Variants in ATP6V0E1 observed in about 807,000 individuals in gnomAD.
ATP6V0E1 encodes V-type proton ATPase subunit e 1.
A neutral mutation model predicts 11.6 loss-of-function variants in ATP6V0E1; 4 were observed. The ratio of observed to expected loss-of-function variants is 0.35; its 90% CI spans 0.17 to 0.79. ATP6V0E1 has a LOEUF of 0.79. ATP6V0E1 is among the 30% of genes least tolerant of loss of function. The pLI, the probability that ATP6V0E1 is intolerant of heterozygous loss-of-function variation, is 0.54. For synonymous variants in ATP6V0E1, 36 were observed against 34.8 expected, an observed-to-expected ratio of 1.04 and a Z score of -0.13; for missense variants, 105 against 100.0, an observed-to-expected ratio of 1.05 and a Z score of -0.21.
intron 1 of ATP6V0E1, among the ~76,000 whole-genome samples, chr5:172,989,063 C>T (rs1755941017): frequency 6.6e-6 from 1 of 152,022 alleles, no homozygotes; most frequent in Non-Finnish European, 1.5e-5. Context: ...TAAAAATGGG[C>T]CTGACATGGT....
intron 3 of ATP6V0E1, among the ~76,000 whole-genome samples, chr5:173,032,249 T>TTTTATTTTTTTTA (rs1206831982): frequency 7.6e-6 from 1 of 132,254 alleles, no homozygotes; most frequent in Non-Finnish European, 1.7e-5. Flanking sequence ...TTTTATTTTA[T>TTTTATTTTTTTTA]TTTATTTATT....
intron 2 of ATP6V0E1, among the ~76,000 whole-genome samples, chr5:173,015,423 G>A (rs1380414387): frequency 6.6e-6 from 1 of 152,186 alleles, no homozygotes; most frequent in Non-Finnish European, 1.5e-5. Flanking sequence ...CCCCTTGGTA[G>A]CTCCAGGATG....
At chr5:173,011,323 A>G (rs1756323079) in intron 2 of ATP6V0E1, among the ~76,000 whole-genome samples, 1 of 151,856 alleles carries the variant, frequency 6.6e-6, no homozygotes, top group South Asian at 2.1e-4. Flanking sequence ...GACTATAGGC[A>G]TGTGCCATCA....
chr5:173,033,949 C>T (rs1434138470), intron 3 of ATP6V0E1, among the ~76,000 whole-genome samples: 1 of 152,176 alleles, frequency 6.6e-6, no homozygotes, highest in Non-Finnish European at 1.5e-5. Context: ...ATAGCCAGAA[C>T]GGGGAGCAAG....
intron 1 of ATP6V0E1, among the ~76,000 whole-genome samples, chr5:172,992,404 A>G (rs1398189947): frequency 1.3e-5 from 2 of 152,128 alleles, no homozygotes; most frequent in Admixed American, 6.6e-5. Context: ...AAGTCCTTTC[A>G]GAGGCCACAT....
At chr5:172,993,688 C>CCG (rs1554118447) in intron 1 of ATP6V0E1, among the ~76,000 whole-genome samples, 2 of 130,700 alleles carry the variant, frequency 1.5e-5, no homozygotes, top group Admixed American at 7.7e-5. Context: ...GACCCCCCCC[C>CCG]CCGACCCCAC....
chr5:172,991,389 G>C (rs1015580412), intron 1 of ATP6V0E1, among the ~76,000 whole-genome samples: 1 of 152,168 alleles, frequency 6.6e-6, no homozygotes, highest in Admixed American at 6.6e-5. Context: ...ATATTAAGCA[G>C]GTAATACAAA....
intron 3 of ATP6V0E1, among the ~76,000 whole-genome samples, chr5:173,022,384 A>C (rs1278994118): frequency 1.3e-5 from 2 of 152,200 alleles, no homozygotes; most frequent in Non-Finnish European, 2.9e-5. Flanking sequence ...AGTCCTTTTT[A>C]TCAAGTGATT....
intron 1 of ATP6V0E1, among the ~76,000 whole-genome samples, chr5:172,985,001 CT>C (rs1435464783): frequency 6.6e-6 from 1 of 152,182 alleles, no homozygotes; most frequent in Non-Finnish European, 1.5e-5. Flanking sequence ...AATCCCAGCA[CT>C]TTGGGAGGCC....
At chr5:173,013,045 G>A (rs1278281371) in intron 2 of ATP6V0E1, among the ~76,000 whole-genome samples, 1 of 152,150 alleles carries the variant, frequency 6.6e-6, no homozygotes, top group East Asian at 1.9e-4. Context: ...CTGGTGGCAC[G>A]TGCTTGTGGT....
intron 1 of ATP6V0E1, 121 bp downstream of exon 1, chr5:172,984,085 G>C (rs1272610687): frequency 1.1e-6 from 1 of 929,332 alleles, no homozygotes; most frequent in Non-Finnish European, 1.7e-6. Flanking sequence ...CCGCGCTGCA[G>C]AGTCAGGCCC....
intron 2 of ATP6V0E1, among the ~76,000 whole-genome samples, chr5:173,007,295 G>A (rs1756243942): frequency 6.6e-6 from 1 of 152,120 alleles, no homozygotes. Flanking sequence ...CTTCTAATCT[G>A]AAGCTTGGCC....
chr5:172,993,206 C>T (rs1283845898), intron 1 of ATP6V0E1, among the ~76,000 whole-genome samples: 2 of 152,066 alleles, frequency 1.3e-5, no homozygotes. Context: ...AATGAATGTG[C>T]CAATATATTA....
chr5:173,029,088 G>A (rs924098179), intron 3 of ATP6V0E1, among the ~76,000 whole-genome samples: 4 of 152,144 alleles, frequency 2.6e-5, no homozygotes, highest in Non-Finnish European at 5.9e-5. Flanking sequence ...TGATAATTAG[G>A]CCTCTGCCCT....
At chr5:173,012,038 A>T (rs1011495867) in intron 2 of ATP6V0E1, among the ~76,000 whole-genome samples, 1 of 138,752 alleles carries the variant, frequency 7.2e-6, no homozygotes, top group African/African-American at 2.7e-5. Flanking sequence ...TCCTAGGTAA[A>T]TTTTTTTTTT....
intron 1 of ATP6V0E1, among the ~76,000 whole-genome samples, chr5:172,986,309 A>G (rs1755896522): frequency 6.6e-6 from 1 of 152,182 alleles, no homozygotes; most frequent in Non-Finnish European, 1.5e-5. Flanking sequence ...ATTATTTTTA[A>G]CTTTTTGACT....
chr5:173,033,327 T>C (rs1280499898), intron 3 of ATP6V0E1, among the ~76,000 whole-genome samples: 1 of 152,118 alleles, frequency 6.6e-6, no homozygotes, highest in Non-Finnish European at 1.5e-5. Flanking sequence ...CGTCCCAAAG[T>C]GCTGGGATTA....
intron 2 of ATP6V0E1, among the ~76,000 whole-genome samples, chr5:173,011,115 T>G (rs1756318249): frequency 6.6e-6 from 1 of 151,940 alleles, no homozygotes. Context: ...GAGGTTGACA[T>G]GGAACATGGC....
intron 2 of ATP6V0E1, among the ~76,000 whole-genome samples, chr5:173,008,027 C>T (rs1020144083): frequency 6.6e-6 from 1 of 152,198 alleles, no homozygotes; most frequent in African/African-American, 2.4e-5. Flanking sequence ...TGGCCTCGAG[C>T]CATAGTAGGC....
Sources: gnomAD v4.1 joint callset for allele counts (sites outside exome capture counted in the v4.1 genomes callset) on GRCh38, gnomAD v4.1.1 for gene constraint, MANE v1.5 for transcripts, NCBI Gene and HGNC (gene_info 2026-07-23, HGNC 2026-07-21) for gene names.